Variants in RAVER1 observed in about 807,000 individuals in gnomAD.
RAVER1 encodes ribonucleoprotein PTB-binding 1.
RAVER1 carries 36 observed loss-of-function variants against 68.4 expected under a neutral mutation model. The observed-to-expected ratio is 0.53, with a 90% CI of 0.40 to 0.70. The LOEUF (loss-of-function observed/expected upper bound fraction) is 0.70, where lower values mean the gene tolerates loss of function less well. Ranked by LOEUF, RAVER1 falls within the 30% of genes least tolerant of loss-of-function variation. The pLI, the probability that RAVER1 is intolerant of heterozygous loss-of-function variation, is 0.00. For missense variants in RAVER1, 933 were observed against 1,019.8 expected, an observed-to-expected ratio of 0.91 and a Z score of 1.16; for synonymous variants, 469 against 472.7, an observed-to-expected ratio of 0.99 and a Z score of 0.10.
chr19:10,321,343 C>T (rs2040436581), intron 7 of RAVER1, 84 bp from the exon 8 acceptor site: 2 of 821,096 alleles, frequency 2.4e-6, no homozygotes, highest in Non-Finnish European at 3.3e-6. Context: ...TGGACCAGGG[C>T]CCAGGGGTCA....
Position 10,317,214 on chromosome 19 carries a change from CCT to C in RAVER1, c.*238_*239del. Reference sequence around the variant, plus strand: ...GAGGGAGGGAGAGCAGGCCGGGGCCCCTCTCTCTTAAGGCTGCAGGGTTTCAG... The same window carrying C: ...GAGGGAGGGAGAGCAGGCCGGGGCCCCTCTCTTAAGGCTGCAGGGTTTCAG... On this transcript the variant is annotated 3_prime_UTR_variant, in exon 13 of 13. Transcript: ENST00000617231. The surrounding 1 kb of genome is among the most constrained non-coding windows in gnomAD (Gnocchi z 4.3). 1.9e-6 allele frequency: 1 copy of C among 540,524 alleles called. No homozygotes were observed. Among genetic ancestry groups the C allele is most frequent in the South Asian group, 2.1e-5 (1 of 47,526 alleles). The allele number at this position is 540,524 out of a possible 1,614,324, so 33.5% of individuals were successfully genotyped here.
At position 10,322,447 on chromosome 19, in the gene RAVER1, C is replaced by T. The variant is rs1045113372; in HGVS notation, c.1173+198G>A. 9.7e-6 allele frequency: 5 copies of T among 515,546 alleles called. 1 individual carries two copies. The Admixed American group carries it at 1.3e-4, about 13-fold the overall frequency. The allele number at this position is 515,546 out of a possible 1,614,324, so 31.9% of individuals were successfully genotyped here. A position where few individuals can be genotyped will look rare whatever the true frequency, so the allele number is the denominator to read the frequency against. ...GCTCTCAGAATGGAGGGAAAGATGG[C>T]GAACCATCATGAGCAATTGCCAGAG... On this transcript the variant is annotated intron_variant, in intron 6 of 12. Transcript: ENST00000617231. This position sits in a 1 kb window ranked among gnomAD's most constrained non-coding sequence, Gnocchi z 4.3.
rs747144001 is a variant in RAVER1 at position 10,323,495 on chromosome 19, C to T, written c.828G>A (p.Glu276=). 17 of 1,609,314 alleles carry T rather than the reference C, an allele frequency of 1.1e-5. No individual in the cohort carries two copies. The African/African-American group carries it at 2.0e-4, about 19-fold the overall frequency. Residue 276 remains glutamate, a synonymous_variant, in exon 4 of 13, where the codon GAG becomes GAA. Transcript: ENST00000617231. The surrounding 1 kb of genome is among the most constrained non-coding windows in gnomAD (Gnocchi z 6.2). The stretch of plus-strand genomic sequence containing the variant: ...GGCCGTCCGCCTGCTGCTGTGCCTC[C>T]TCCGCCATCTCAGCCGTCTCATACT... The part of the protein sequence containing the change: ...VLEYETAEMA[E]EAQQQADGLS...
intron 7 of RAVER1, 88 bp downstream of exon 7, chr19:10,321,443 C>T (rs1321156008): frequency 8.7e-7 from 1 of 1,149,860 alleles, no homozygotes; most frequent in East Asian, 3.0e-5. Context: ...CGCTGGGACC[C>T]AGAGGTTGGG....
Position 10,323,662 on chromosome 19 carries a change from A to G in RAVER1, c.757-96T>C. On this transcript the variant is annotated intron_variant, in intron 3 of 12. Transcript: ENST00000617231. The surrounding 1 kb of genome is among the most constrained non-coding windows in gnomAD (Gnocchi z 6.2). ...CGTAACCAGACTCAGCTGCCCCATA[A>G]GGGTGAACTCCACGCCAGGCCTCCA... is the stretch of plus-strand genomic sequence containing the variant. 1 of 1,321,068 alleles carries G rather than the reference A, an allele frequency of 7.6e-7. No homozygotes were observed. 81.8% of individuals were successfully genotyped at this position (1,321,068 alleles called of 1,614,324 possible). A position where few individuals can be genotyped will look rare whatever the true frequency, so the allele number is the denominator to read the frequency against.
chr19:10,320,859 C>A lies in RAVER1; in HGVS notation c.1566G>T (p.Ala522=). 6.6e-7 allele frequency: 1 copy of A among 1,510,552 alleles called. No individual in the cohort carries two copies. The highest frequency in any genetic ancestry group is 8.8e-7 in the Non-Finnish European group (1 of 1,136,328). 93.6% of individuals were successfully genotyped at this position (1,510,552 alleles called of 1,614,324 possible). Residue 522 remains alanine (A), a synonymous_variant, in exon 9 of 13, where the codon GCG becomes GCT. Transcript: ENST00000617231. ...CTCCCCAGCCCCGGGCCTCCTTACC[C>A]GCCAGGTTGCTGGCCGGGAGCAGGC... ...LHSLLPASNL[A]GKEARGWGGA... is the part of the protein sequence containing the mutation.
Position 10,322,371 on chromosome 19 carries a change from ATGGGCG to A in RAVER1, c.1173+268_1173+273del, listed in dbSNP as rs1401656647. 16 of 439,306 alleles carry A rather than the reference ATGGGCG, an allele frequency of 3.6e-5. No homozygotes were observed. The Admixed American group carries it at 4.7e-4, about 13-fold the overall frequency. The allele number at this position is 439,306 out of a possible 1,614,324, so 27.2% of individuals were successfully genotyped here. A position where few individuals can be genotyped will look rare whatever the true frequency, so the allele number is the denominator to read the frequency against. On this transcript the variant is annotated intron_variant, in intron 6 of 12. Coordinates refer to ENST00000617231, the MANE Select transcript of RAVER1 (RefSeq NM_133452.3). This position sits in a 1 kb window ranked among gnomAD's most constrained non-coding sequence, Gnocchi z 4.3. The stretch of plus-strand genomic sequence containing the variant: ...GCCCACACCCAGTTTCAGGCTGTAA[ATGGGCG>A]TGTCCAGGTCCCCTGACCCCACCCC...
rs527735558 is a variant in RAVER1, at chr19:10,323,876, C to T, written c.757-310G>A. ...ACAAAGCCAAGGCCACGGGCGGATG[C>T]GGTGGCTCACACCTGTAATCCCAGC... On this transcript the variant is annotated intron_variant, in intron 3 of 12. Transcript: ENST00000617231. The surrounding 1 kb of genome is among the most constrained non-coding windows in gnomAD (Gnocchi z 6.2). Among the ~76,000 whole-genome samples, 88 of 152,292 alleles carry T rather than the reference C, an allele frequency of 5.8e-4. 1 individual carries two copies. Among genetic ancestry groups the T allele is most frequent in the African/African-American group, 2.1e-3 (86 of 41,572 alleles).
Position 10,317,065 on chromosome 19 carries a change from G to A in RAVER1, c.*389C>T. ...AGTTGTCAAAGTTAAAAAAAAAGGA[G>A]ACAGTCTCTGTATCTTCACGGGAGG... On this transcript the variant is annotated 3_prime_UTR_variant, in exon 13 of 13. Transcript: ENST00000617231. This position sits in a 1 kb window ranked among gnomAD's most constrained non-coding sequence, Gnocchi z 4.3. 4.2e-6 allele frequency: 1 copy of A among 240,406 alleles called. No individual in the cohort carries two copies. Among genetic ancestry groups the A allele is most frequent in the Non-Finnish European group, 8.1e-6 (1 of 123,984 alleles). The allele number at this position is 240,406 out of a possible 1,614,324, so 14.9% of individuals were successfully genotyped here.
intron 3 of RAVER1, among the ~76,000 whole-genome samples, chr19:10,327,527 A>G (rs569185639): frequency 2.0e-5 from 3 of 152,300 alleles, no homozygotes; most frequent in Admixed American, 6.5e-5. Flanking sequence ...TGTTAGGGTT[A>G]CAGGTGTGAG....
At chr19:10,319,617 T>C in intron 9 of RAVER1, among the ~76,000 whole-genome samples, 1 of 151,764 alleles carries the variant, frequency 6.6e-6, no homozygotes, top group Non-Finnish European at 1.5e-5. Flanking sequence ...AGTTTTGCTC[T>C]TGTTGCCCAG....
At position 10,322,435 on chromosome 19, in the gene RAVER1, A is replaced by C. The variant is rs2040444569; in HGVS notation, c.1173+210T>G. ...AAGTCCAGGGGCGCTCTCAGAATGG[A>C]GGGAAAGATGGCGAACCATCATGAG... On this transcript the variant is annotated intron_variant, in intron 6 of 12. Coordinates refer to ENST00000617231, the MANE Select transcript of RAVER1 (RefSeq NM_133452.3). This position sits in a 1 kb window ranked among gnomAD's most constrained non-coding sequence, Gnocchi z 4.3. 2 of 507,424 alleles carry C rather than the reference A, an allele frequency of 3.9e-6. No homozygotes were observed. The highest frequency in any genetic ancestry group is 2.9e-5 in the South Asian group (1 of 34,490). The allele number at this position is 507,424 out of a possible 1,614,324, so 31.4% of individuals were successfully genotyped here. A position where few individuals can be genotyped will look rare whatever the true frequency, so the allele number is the denominator to read the frequency against.
intron 3 of RAVER1, among the ~76,000 whole-genome samples, chr19:10,325,165 C>T (rs1344521390): frequency 6.6e-6 from 1 of 152,108 alleles, no homozygotes; most frequent in Non-Finnish European, 1.5e-5. Context: ...GGATTAAAGG[C>T]ACCTACCACC....
chr19:10,316,998 G>A lies in RAVER1; in HGVS notation c.*456C>T. On this transcript the variant is annotated 3_prime_UTR_variant, in exon 13 of 13. Transcript: ENST00000617231. ...AGGAATCAGAGCTGGGGGCTGTCCG[G>A]GGTGGTTTGAAAAATAAAACTTAGA... 1 of 219,586 alleles carries A rather than the reference G, an allele frequency of 4.6e-6. No homozygotes were observed. Among genetic ancestry groups the A allele is most frequent in the Admixed American group, 5.6e-5 (1 of 17,702 alleles). 13.6% of individuals were successfully genotyped at this position (219,586 alleles called of 1,614,324 possible). A position where few individuals can be genotyped will look rare whatever the true frequency, so the allele number is the denominator to read the frequency against.
Position 10,317,495 on chromosome 19 carries a change from GGCC to G in RAVER1, c.2176_2178del (p.Gly726del), listed in dbSNP as rs1568309183. 4 of 1,613,674 alleles carry G rather than the reference GGCC, an allele frequency of 2.5e-6. No homozygotes were observed. Among genetic ancestry groups the G allele is most frequent in the African/African-American group, 2.7e-5 (2 of 74,940 alleles). ...CGCTTCAGGTAGGAGTCCGCGTAGT[GGCC>G]GCCGAGGCCCTGGGAGTGCTGGCCC... On this transcript the variant is annotated inframe_deletion, in exon 13 of 13. Coordinates refer to ENST00000617231, the MANE Select transcript of RAVER1 (RefSeq NM_133452.3). This position sits in a 1 kb window ranked among gnomAD's most constrained non-coding sequence, Gnocchi z 4.3.
In RAVER1 at chr19:10,320,755, TTGCTGC is replaced by T. The variant is rs780925201; in HGVS notation, c.1664_1669del (p.Ser555_Ser556del). ...CAGGCGGGACTTGAGCTGGAAGGCT[TTGCTGC>T]TGCTGCTGCCACCTCCAGGGGCTGG... On this transcript the variant is annotated inframe_deletion, in exon 9 of 13. Coordinates refer to ENST00000617231, the MANE Select transcript of RAVER1 (RefSeq NM_133452.3). 1.2e-5 allele frequency: 18 copies of T among 1,510,398 alleles called. No homozygotes were observed. The African/African-American group carries it at 2.1e-4, about 17-fold the overall frequency. 93.6% of individuals were successfully genotyped at this position (1,510,398 alleles called of 1,614,324 possible). A position where few individuals can be genotyped will look rare whatever the true frequency, so the allele number is the denominator to read the frequency against.
At chr19:10,319,120 G>T in intron 10 of RAVER1, 46 bp downstream of exon 10, 1 of 1,554,798 alleles carries the variant, frequency 6.4e-7, no homozygotes, top group Non-Finnish European at 8.9e-7. Flanking sequence ...AGCCTGTCAT[G>T]TAGTAAAAGC....
chr19:10,321,060 C>A lies in RAVER1; in HGVS notation c.1461G>T (p.Pro487=), dbSNP rs749094899. The A allele has an allele frequency of 2.2e-6, 3 of 1,376,356 alleles. No homozygotes were observed. Among genetic ancestry groups the A allele is most frequent in the Middle Eastern group, 2.2e-4 (1 of 4,556 alleles). 85.3% of individuals were successfully genotyped at this position (1,376,356 alleles called of 1,614,324 possible). A position where few individuals can be genotyped will look rare whatever the true frequency, so the allele number is the denominator to read the frequency against. Residue 487 remains proline, a synonymous_variant, in exon 8 of 13, where the codon CCG becomes CCT. Transcript: ENST00000617231. ...RGLQKDSGPL[P]TPPGVSLLGE... ...GGCAGGGCCTTACCCCAGGGGGCGTCGGCAGAGGCCCACTGTCTTTCTGGA... is the reference window on the plus strand; with the variant it reads ...GGCAGGGCCTTACCCCAGGGGGCGTAGGCAGAGGCCCACTGTCTTTCTGGA...
At position 10,319,183 on chromosome 19, in the gene RAVER1, C is replaced by G; in HGVS notation, c.1828G>C (p.Gly610Arg). 1 of 1,613,824 alleles carries G rather than the reference C, an allele frequency of 6.2e-7. No individual in the cohort carries two copies. The highest frequency in any genetic ancestry group is 8.5e-7 in the Non-Finnish European group (1 of 1,179,778). Residue 610 changes from glycine (G) to arginine (R), a missense_variant, in exon 10 of 13, where the codon GGA becomes CGA. By Grantham distance (125) the Gly-to-Arg change is moderately radical. Transcript: ENST00000617231. ...HPREPALGPH[G>R]PSRHKMSPPP... ...GCTCTTACCTTGTGTCGGCTGGGTC[C>G]GTGAGGCCCAAGGGCTGGTTCCCGT...
Sources: allele counts gnomAD v4.1 joint callset (sites outside exome capture counted in the v4.1 genomes callset), GRCh38; gene constraint gnomAD v4.1.1; non-coding constraint Gnocchi (gnomAD v3.1); transcripts MANE v1.5; gene names NCBI Gene and HGNC (gene_info 2026-07-23, HGNC 2026-07-21).